DAD1: variants seen among roughly 807,000 people sequenced by gnomAD.
The protein encoded by DAD1 is defender against cell death 1.
Under a neutral mutation model 9.0 loss-of-function variants are expected in DAD1, and 4 were observed. The ratio of observed to expected loss-of-function variants is 0.44; its 90% CI spans 0.22 to 1.01. The LOEUF is 1.01. DAD1 is among the 50% of genes least tolerant of loss of function. The pLI is 0.24. For synonymous variants in DAD1, 60 were observed against 62.5 expected, an observed-to-expected ratio of 0.96 and a Z score of 0.19; for missense variants, 119 against 137.3, an observed-to-expected ratio of 0.87 and a Z score of 0.67.
chr14:22,572,303 T>C (rs1312985098), intron 2 of DAD1, among the ~76,000 whole-genome samples: 1 of 152,174 alleles, frequency 6.6e-6, no homozygotes, highest in East Asian at 1.9e-4. Context: ...GAGAATTTAC[T>C]TGGAACTATT....
chr14:22,575,294 T>C lies in DAD1; in HGVS notation c.212-61A>G, dbSNP rs1217638522. 1.9e-6 allele frequency: 3 copies of C among 1,574,944 alleles called. No homozygotes were observed. The African/African-American group carries it at 4.1e-5, about 22-fold the overall frequency. ...TAGAAGTATAAAATAAATATGCTAATGAACACAGACATACCCGAGGACCCA... is the reference window on the plus strand; with the variant it reads ...TAGAAGTATAAAATAAATATGCTAACGAACACAGACATACCCGAGGACCCA... On this transcript the variant is annotated intron_variant, in intron 1 of 2. Transcript: ENST00000250498.
At chr14:22,573,249 G>C (rs1260956221) in intron 2 of DAD1, among the ~76,000 whole-genome samples, 1 of 151,630 alleles carries the variant, frequency 6.6e-6, no homozygotes, top group Non-Finnish European at 1.5e-5. Context: ...TTGAGCTCAA[G>C]CAATCGCCCA....
At chr14:22,586,067 G>A (rs962499182) in intron 1 of DAD1, among the ~76,000 whole-genome samples, 1 of 152,132 alleles carries the variant, frequency 6.6e-6, no homozygotes, top group Non-Finnish European at 1.5e-5. Flanking sequence ...TTAGCTGGAC[G>A]TGGTGGCAGG....
chr14:22,575,257 A>C (rs754303885), intron 1 of DAD1, 24 bp from the exon 2 acceptor site: 26 of 1,612,444 alleles, frequency 1.6e-5, no homozygotes. Context: ...AAAACACAAA[A>C]AAATGATTAT....
chr14:22,586,536 T>G (rs2037154307), intron 1 of DAD1, among the ~76,000 whole-genome samples: 1 of 151,816 alleles, frequency 6.6e-6, no homozygotes, highest in African/African-American at 2.4e-5. Context: ...AGAGCAAAAC[T>G]CCATCTCAAA....
At chr14:22,572,573 G>A (rs1299017582) in intron 2 of DAD1, among the ~76,000 whole-genome samples, 1 of 152,120 alleles carries the variant, frequency 6.6e-6, no homozygotes. Flanking sequence ...CTGAGCAGGT[G>A]GTCCTAGGTT....
At chr14:22,578,903 C>T (rs1490463980) in intron 1 of DAD1, among the ~76,000 whole-genome samples, 1 of 152,148 alleles carries the variant, frequency 6.6e-6, no homozygotes, top group African/African-American at 2.4e-5. Flanking sequence ...CTCTTATCTG[C>T]TGATTTAAAG....
chr14:22,587,720 C>T (rs372378103), intron 1 of DAD1, among the ~76,000 whole-genome samples: 4 of 151,856 alleles, frequency 2.6e-5, no homozygotes, highest in East Asian at 3.9e-4. Flanking sequence ...TAACTTTAAG[C>T]ACAGCACCAC....
chr14:22,573,450 G>A (rs568347526), intron 2 of DAD1, among the ~76,000 whole-genome samples: 2 of 152,098 alleles, frequency 1.3e-5, no homozygotes, highest in East Asian at 1.9e-4. Context: ...GAACAAAGTG[G>A]TTCTTAAAAG....
chr14:22,569,638 C>A (rs2037025041), intron 2 of DAD1, among the ~76,000 whole-genome samples: 1 of 152,138 alleles, frequency 6.6e-6, no homozygotes, highest in South Asian at 2.1e-4. Context: ...AGGAGTCATC[C>A]AAGCTGGGAG....
chr14:22,589,041 C>G lies in DAD1; in HGVS notation c.117G>C (p.Ala39=), dbSNP rs1329520609. 1 of 1,614,182 alleles carries G rather than the reference C, an allele frequency of 6.2e-7. No individual in the cohort carries two copies. The highest frequency in any genetic ancestry group is 1.7e-5 in the Admixed American group (1 of 60,038). Residue 39 remains alanine, a synonymous_variant, in exon 1 of 3, where the codon GCG becomes GCC. Transcript: ENST00000250498. ...AYLLYILLTG[A]LQFGYCLLVG... ...CGAGGAGACAGTAACCGAACTGCAG[C>G]GCCCCGGTCAGCAGTATATACAGCA...
At chr14:22,571,204 C>T (rs1236611211) in intron 2 of DAD1, among the ~76,000 whole-genome samples, 1 of 147,702 alleles carries the variant, frequency 6.8e-6, no homozygotes, top group East Asian at 1.9e-4. Context: ...GTCCCAGCTA[C>T]TCGGGGAGGC....
At chr14:22,580,791 G>GT (rs1178957252) in intron 1 of DAD1, among the ~76,000 whole-genome samples, 1 of 152,120 alleles carries the variant, frequency 6.6e-6, no homozygotes, top group Admixed American at 6.5e-5. Context: ...TTGGGGAGGC[G>GT]TACTAATCAC....
chr14:22,588,855 A>T (rs1272376096), intron 1 of DAD1, 92 bp downstream of exon 1: 5 of 1,289,914 alleles, frequency 3.9e-6, no homozygotes, highest in Non-Finnish European at 5.3e-6. Context: ...TCATAACTTC[A>T]AGGGGCGGTG....
chr14:22,580,422 C>T (rs753834129), intron 1 of DAD1, among the ~76,000 whole-genome samples: 4 of 145,508 alleles, frequency 2.7e-5, no homozygotes, highest in Non-Finnish European at 6.0e-5. Context: ...TCAAGACCGT[C>T]TCAAAAAAAA....
In DAD1 at chr14:22,589,024, C is replaced by G; in HGVS notation, c.134G>C (p.Cys45Ser). 6.2e-7 allele frequency: 1 copy of G among 1,614,212 alleles called. No individual in the cohort carries two copies. Among genetic ancestry groups the G allele is most frequent in the Admixed American group, 1.7e-5 (1 of 60,024 alleles). Residue 45 changes from cysteine to serine, a missense_variant, in exon 1 of 3, where the codon TGT (cysteine) becomes TCT (serine). By Grantham distance (112) the Cys-to-Ser change is moderately radical. Transcript: ENST00000250498. ...GAAGGGGAAGGTCCCCACGAGGAGA[C>G]AGTAACCGAACTGCAGCGCCCCGGT... is the stretch of plus-strand genomic sequence containing the variant. ...LLTGALQFGY[C>S]LLVGTFPFNS...
intron 1 of DAD1, among the ~76,000 whole-genome samples, chr14:22,580,136 G>A (rs908465882): frequency 6.6e-6 from 1 of 151,986 alleles, no homozygotes; most frequent in African/African-American, 2.4e-5. Flanking sequence ...ATTTCACTTG[G>A]CCAGGGCATG....
intron 2 of DAD1, among the ~76,000 whole-genome samples, chr14:22,571,218 G>A (rs903685694): frequency 2.0e-5 from 3 of 146,348 alleles, no homozygotes; most frequent in East Asian, 3.9e-4. Flanking sequence ...GGGAGGCTGC[G>A]GCAGGAGAAT....
intron 2 of DAD1, among the ~76,000 whole-genome samples, chr14:22,573,349 C>T (rs2037054109): frequency 6.6e-6 from 1 of 152,056 alleles, no homozygotes; most frequent in Non-Finnish European, 1.5e-5. Flanking sequence ...AAGACATTGG[C>T]TGGCACATAG....
Sources: gnomAD v4.1 joint callset for allele counts (sites outside exome capture counted in the v4.1 genomes callset) on GRCh38, gnomAD v4.1.1 for gene constraint, MANE v1.5 for transcripts, NCBI Gene and HGNC (gene_info 2026-07-23, HGNC 2026-07-21) for gene names.